Variants in CSMD1 observed in about 807,000 individuals in gnomAD.
CSMD1 encodes CUB and Sushi multiple domains 1, also known as CUB and sushi domain-containing protein 1.
CSMD1 carries 213 observed loss-of-function variants against 417.5 expected under a neutral mutation model. That is an observed-to-expected ratio of 0.51 (90% CI 0.46 to 0.57). The LOEUF is 0.57. CSMD1 is among the 20% of genes least tolerant of loss of function. CSMD1 has a pLI of 0.00. For missense variants in CSMD1, 6,923 were observed against 4,529.7 expected (o/e 1.53, Z -15.17); for synonymous variants, 2,862 against 1,736.8 (o/e 1.65, Z -16.11).
At chr8:3,830,675 A>C (rs1465987076) in intron 5 of CSMD1, among the ~76,000 whole-genome samples, 1 of 152,162 alleles carries the variant, frequency 6.6e-6, no homozygotes, top group African/African-American at 2.4e-5. Context: ...CACTCAGAAA[A>C]CAGAGAGAAA....
chr8:3,064,990 A>G (rs1353041731), intron 49 of CSMD1, among the ~76,000 whole-genome samples: 2 of 152,152 alleles, frequency 1.3e-5, no homozygotes, highest in Non-Finnish European at 2.9e-5. Context: ...ACTGGGAAAC[A>G]TGGCTGGAGG....
intron 49 of CSMD1, among the ~76,000 whole-genome samples, chr8:3,064,441 A>G (rs1812788639): frequency 6.6e-6 from 1 of 152,146 alleles, no homozygotes; most frequent in African/African-American, 2.4e-5. Context: ...CCATGATTGT[A>G]AGTTTCCTGA....
At chr8:3,808,610 T>C (rs1315492108) in intron 5 of CSMD1, among the ~76,000 whole-genome samples, 1 of 152,196 alleles carries the variant, frequency 6.6e-6, no homozygotes, top group Non-Finnish European at 1.5e-5. Context: ...CTGTCACTAT[T>C]ATCAAATACT....
intron 2 of CSMD1, among the ~76,000 whole-genome samples, chr8:4,606,315 C>G (rs1362503579): frequency 6.6e-6 from 1 of 151,526 alleles, no homozygotes; most frequent in African/African-American, 2.4e-5. Flanking sequence ...TAAATGATTT[C>G]TTTGTGGACT....
chr8:4,207,924 G>A (rs547517450), intron 3 of CSMD1, among the ~76,000 whole-genome samples: 1 of 152,044 alleles, frequency 6.6e-6, no homozygotes, highest in Admixed American at 6.6e-5. Flanking sequence ...ATATTAAATA[G>A]TCTATTTCTT....
chr8:3,557,327 T>C (rs1585361053), intron 10 of CSMD1, among the ~76,000 whole-genome samples: 1 of 152,320 alleles, frequency 6.6e-6, no homozygotes, highest in East Asian at 1.9e-4. Flanking sequence ...TGGCAGACCA[T>C]CGCTGCCTCT....
At chr8:4,700,157 A>C (rs1807433078) in intron 1 of CSMD1, among the ~76,000 whole-genome samples, 1 of 152,160 alleles carries the variant, frequency 6.6e-6, no homozygotes, top group South Asian at 2.1e-4. Flanking sequence ...TGACCTTTCA[A>C]GACCTATTCA....
intron 12 of CSMD1, among the ~76,000 whole-genome samples, chr8:3,441,634 G>C (rs1434321064): frequency 2.0e-5 from 3 of 151,932 alleles, no homozygotes; most frequent in Non-Finnish European, 4.4e-5. Flanking sequence ...TGACATAGTA[G>C]CCATTGATCA....
At chr8:4,062,232 C>T (rs1366942926) in intron 3 of CSMD1, among the ~76,000 whole-genome samples, 2 of 152,092 alleles carry the variant, frequency 1.3e-5, no homozygotes, top group African/African-American at 2.4e-5. Flanking sequence ...TCACACAAGT[C>T]TAATTTCCTC....
At chr8:3,793,868 G>C (rs921763919) in intron 5 of CSMD1, among the ~76,000 whole-genome samples, 1 of 152,068 alleles carries the variant, frequency 6.6e-6, no homozygotes, top group Non-Finnish European at 1.5e-5. Flanking sequence ...ACTGAGTGTC[G>C]CTGATGGACC....
intron 1 of CSMD1, among the ~76,000 whole-genome samples, chr8:4,773,537 T>G (rs1348175164): frequency 2.0e-5 from 3 of 152,188 alleles, no homozygotes; most frequent in Non-Finnish European, 4.4e-5. Context: ...ATGATTCAGT[T>G]GAAAGAAAGT....
Position 4,295,675 on chromosome 8 carries a change from T to TAACA in CSMD1, c.415+124277_415+124278insTGTT, listed in dbSNP as rs1341454144. Among the ~76,000 whole-genome samples, 241 of 144,532 alleles carry TAACA rather than the reference T, an allele frequency of 1.7e-3. 1 individual carries two copies. Among genetic ancestry groups the TAACA allele is most frequent in the Middle Eastern group, 7.9e-3 (2 of 254 alleles). 94.8% of individuals were successfully genotyped at this position (144,532 alleles called of 152,430 possible). A position where few individuals can be genotyped will look rare whatever the true frequency, so the allele number is the denominator to read the frequency against. On this transcript the variant is annotated intron_variant, in intron 3 of 69. Coordinates refer to ENST00000635120, the MANE Select transcript of CSMD1 (RefSeq NM_033225.6). ...AAATATAATCTTAAGATTACATATG[T>TAACA]TATATTATACATGTTATATATGTTA...
intron 5 of CSMD1, among the ~76,000 whole-genome samples, chr8:3,870,962 T>C (rs904882156): frequency 4.0e-5 from 6 of 151,786 alleles, no homozygotes; most frequent in African/African-American, 1.4e-4. Context: ...TTTTGTTTTA[T>C]ATTCTTAAAT....
At chr8:4,214,777 A>C (rs1210001078) in intron 3 of CSMD1, among the ~76,000 whole-genome samples, 1 of 152,204 alleles carries the variant, frequency 6.6e-6, no homozygotes, top group Non-Finnish European at 1.5e-5. Flanking sequence ...GCTGTGATGC[A>C]CATTTCAAAT....
intron 3 of CSMD1, among the ~76,000 whole-genome samples, chr8:4,278,358 G>A (rs1358447672): frequency 6.6e-6 from 1 of 152,040 alleles, no homozygotes; most frequent in East Asian, 1.9e-4. Context: ...AAATTCATAA[G>A]GAAACTGAAA....
intron 40 of CSMD1, among the ~76,000 whole-genome samples, chr8:3,146,014 T>A (rs1270401593): frequency 6.6e-6 from 1 of 152,210 alleles, no homozygotes. Context: ...TATTACTTCC[T>A]CTGTTTTGCA....
chr8:4,623,281 C>T (rs182431587), intron 2 of CSMD1, among the ~76,000 whole-genome samples: 10 of 152,086 alleles, frequency 6.6e-5, no homozygotes, highest in African/African-American at 2.2e-4. Flanking sequence ...TTCACATCAC[C>T]GTAAAATAAC....
At chr8:3,825,117 G>T (rs758829744) in intron 5 of CSMD1, among the ~76,000 whole-genome samples, 1 of 152,258 alleles carries the variant, frequency 6.6e-6, no homozygotes, top group East Asian at 1.9e-4. Context: ...CGAGGAAAAT[G>T]ATTTGAAAGG....
chr8:3,751,299 A>AGT (rs67753470), intron 6 of CSMD1, among the ~76,000 whole-genome samples: 14,325 of 140,112 alleles, frequency 0.1, 1,565 homozygotes, highest in African/African-American at 0.28. Context: ...ATACAATTGA[A>AGT]GTGTGTGTGT....
Sources: allele counts gnomAD v4.1 joint callset (sites outside exome capture counted in the v4.1 genomes callset), GRCh38; gene constraint gnomAD v4.1.1; transcripts MANE v1.5; gene names NCBI Gene and HGNC (gene_info 2026-07-23, HGNC 2026-07-21).